FREM2: variants seen among roughly 807,000 people sequenced by gnomAD.
FREM2 encodes the protein FRAS1-related extracellular matrix protein 2.
In FREM2, 119 loss-of-function variants were observed where a neutral mutation model predicts 219.9. The ratio of observed to expected loss-of-function variants is 0.54; its 90% CI spans 0.47 to 0.63. The LOEUF (loss-of-function observed/expected upper bound fraction) is 0.63, where lower values mean the gene tolerates loss of function less well. Among genes scored for constraint, FREM2 ranks in the 30% least tolerant of loss-of-function variants. The pLI is 0.00. For missense variants in FREM2, 4,030 were observed against 3,993.6 expected (o/e 1.01, Z -0.25); for synonymous variants, 1,562 against 1,522.8 (o/e 1.03, Z -0.60).
At position 38,688,235 on chromosome 13, in the gene FREM2, T is replaced by G; in HGVS notation, c.891T>G (p.Ala297=). ...RSRGAPVGSP[A]LKREHFQVLV... is the part of the protein sequence containing the mutation. ...GAGGGGCTCCTGTGGGCAGCCCTGC[T>G]TTGAAACGCGAGCACTTCCAGGTTC... The change falls in exon 1 of 24, where the codon GCT becomes GCG. Residue 297 remains alanine, a synonymous_variant. Transcript: ENST00000280481. 6.2e-7 allele frequency: 1 copy of G among 1,613,796 alleles called. No homozygotes were observed. Among genetic ancestry groups the G allele is most frequent in the Non-Finnish European group, 8.5e-7 (1 of 1,179,940 alleles).
intron 16 of FREM2, among the ~76,000 whole-genome samples, chr13:38,866,332 T>TAA (rs796917957): frequency 4.0e-5 from 6 of 150,028 alleles, no homozygotes; most frequent in African/African-American, 1.2e-4. Context: ...CCGTCTCTAC[T>TAA]AAAAAAAAAT....
chr13:38,861,685 A>G (rs1009776897), intron 15 of FREM2, 123 bp downstream of exon 15: 1 of 1,041,212 alleles, frequency 9.6e-7, no homozygotes, highest in South Asian at 1.3e-5. Context: ...TTGAGCTTCA[A>G]GTCCTTCCAC....
At chr13:38,823,013 A>G (rs1876128181) in intron 6 of FREM2, among the ~76,000 whole-genome samples, 1 of 152,092 alleles carries the variant, frequency 6.6e-6, no homozygotes, top group African/African-American at 2.4e-5. Context: ...TAGATTCTGA[A>G]AAGCATCAAA....
intron 2 of FREM2, among the ~76,000 whole-genome samples, chr13:38,758,355 C>T (rs777643605): frequency 6.6e-6 from 1 of 152,220 alleles, no homozygotes; most frequent in Non-Finnish European, 1.5e-5. Flanking sequence ...TGTCTAAATA[C>T]CACCCTGTAC....
At chr13:38,747,156 G>A (rs1184047091) in intron 2 of FREM2, among the ~76,000 whole-genome samples, 2 of 152,140 alleles carry the variant, frequency 1.3e-5, no homozygotes, top group South Asian at 2.1e-4. Flanking sequence ...GTAAGAAACA[G>A]AAGAAATATA....
intron 16 of FREM2, among the ~76,000 whole-genome samples, chr13:38,871,116 C>T (rs747212041): frequency 1.9e-4 from 29 of 152,158 alleles, no homozygotes; most frequent in Admixed American, 1.3e-4. Context: ...AAGCACCTCT[C>T]CTGCTGGCCA....
intron 4 of FREM2, among the ~76,000 whole-genome samples, chr13:38,772,199 T>G (rs1003359772): frequency 6.6e-6 from 1 of 152,210 alleles, no homozygotes; most frequent in Non-Finnish European, 1.5e-5. Context: ...AATTTTACAT[T>G]AAAAATTTAT....
At chr13:38,711,202 A>G (rs1251708268) in intron 2 of FREM2, among the ~76,000 whole-genome samples, 1 of 152,142 alleles carries the variant, frequency 6.6e-6, no homozygotes, top group Non-Finnish European at 1.5e-5. Flanking sequence ...TAAAACTGAG[A>G]CAACCACCAG....
Position 38,804,031 on chromosome 13 carries a change from T to G in FREM2, c.6019+19223T>G, listed in dbSNP as rs538006491. The stretch of plus-strand genomic sequence containing the variant: ...ATTACGCTTGCAAGCTCCCAAAAAC[T>G]AACGGCAGAACAGTCATTATAAGAA... On this transcript the variant is annotated intron_variant, in intron 6 of 23. Coordinates refer to ENST00000280481, the MANE Select transcript of FREM2 (RefSeq NM_207361.6). Among the ~76,000 whole-genome samples the G allele has an allele frequency of 2.6e-5, 4 of 152,176 alleles. No homozygotes were observed. In the South Asian group the frequency reaches 8.3e-4, roughly 32 times the overall value.
chr13:38,702,882 C>A (rs1593353000), intron 2 of FREM2, among the ~76,000 whole-genome samples: 1 of 152,092 alleles, frequency 6.6e-6, no homozygotes, highest in Admixed American at 6.6e-5. Context: ...TGGGCCACAG[C>A]CAGACATTTT....
In FREM2 at chr13:38,687,644, G is replaced by T. The variant is rs1869535055; in HGVS notation, c.300G>T (p.Gln100His). Residue 100 changes from glutamine to histidine, a missense_variant, in exon 1 of 24, where the codon CAG (glutamine) becomes CAT (histidine). By Grantham distance (24) the Gln-to-His change is conservative. Coordinates refer to ENST00000280481, the MANE Select transcript of FREM2 (RefSeq NM_207361.6). The stretch of plus-strand genomic sequence containing the variant: ...TGCATGACCTGGTGTTGCAGGTGCA[G>T]CCCGGGGACCGCTGCGCGGTTTCGG... Reference protein sequence around the residue: ...DPLHDLVLQVQPGDRCAVSVL... With the variant: ...DPLHDLVLQVHPGDRCAVSVL... 1.9e-6 allele frequency: 3 copies of T among 1,608,016 alleles called. No homozygotes were observed. Among genetic ancestry groups the T allele is most frequent in the Admixed American group, 1.7e-5 (1 of 59,676 alleles).
chr13:38,723,257 A>G, intron 2 of FREM2, among the ~76,000 whole-genome samples: 1 of 152,146 alleles, frequency 6.6e-6, no homozygotes, highest in African/African-American at 2.4e-5. Flanking sequence ...TAAAAAATAA[A>G]AAATAAAATA....
rs1182614369 is a variant in FREM2, at chr13:38,880,671, G to A, written c.9394G>A (p.Val3132Met). 6.2e-7 allele frequency: 1 copy of A among 1,614,050 alleles called. No homozygotes were observed. Among genetic ancestry groups the A allele is most frequent in the African/African-American group, 1.3e-5 (1 of 74,912 alleles). The part of the protein sequence containing the change: ...LLTICLTVIA[V>M]LMCRGKESFR... ...CACCATCTGCCTCACTGTCATTGCA[G>A]TGCTGATGTGCAGGGGCAAGGAAAG... is the stretch of plus-strand genomic sequence containing the variant. The change falls in exon 24 of 24, where the codon GTG becomes ATG. Residue 3132 changes from valine (V) to methionine (M), a missense_variant. By Grantham distance (21) the Val-to-Met change is conservative (BLOSUM62 1). Transcript: ENST00000280481.
intron 6 of FREM2, among the ~76,000 whole-genome samples, chr13:38,789,807 T>C (rs1274358427): frequency 6.7e-6 from 1 of 150,308 alleles, no homozygotes; most frequent in African/African-American, 2.4e-5. Flanking sequence ...GTTTCTTTTT[T>C]ATATATTTAA....
chr13:38,800,276 A>G (rs1232196863), intron 6 of FREM2, among the ~76,000 whole-genome samples: 1 of 152,104 alleles, frequency 6.6e-6, no homozygotes, highest in Admixed American at 6.5e-5. Flanking sequence ...GCATTTTCTT[A>G]TCTAGGAAAT....
intron 2 of FREM2, among the ~76,000 whole-genome samples, chr13:38,699,982 C>A (rs1019291757): frequency 3.9e-5 from 6 of 152,034 alleles, no homozygotes; most frequent in African/African-American, 7.2e-5. Context: ...CCCTGGGAAG[C>A]AAGTCAGGGC....
At chr13:38,785,713 A>T (rs559448812) in intron 6 of FREM2, among the ~76,000 whole-genome samples, 1 of 152,260 alleles carries the variant, frequency 6.6e-6, no homozygotes, top group East Asian at 1.9e-4. Flanking sequence ...GTGAGGTTAT[A>T]CTCTGTGCCA....
intron 2 of FREM2, among the ~76,000 whole-genome samples, chr13:38,751,891 TGTG>T (rs763935768): frequency 6.6e-6 from 1 of 150,584 alleles, no homozygotes. Context: ...TGTGTGTGTG[TGTG>T]TGTTTTCCTT....
chr13:38,815,522 AC>A (rs1259114017), intron 6 of FREM2, among the ~76,000 whole-genome samples: 2 of 152,228 alleles, frequency 1.3e-5, no homozygotes, highest in Non-Finnish European at 2.9e-5. Flanking sequence ...TACAACTGAT[AC>A]CACAGAAATA....
Sources: gnomAD v4.1 joint callset for allele counts (sites outside exome capture counted in the v4.1 genomes callset) on GRCh38, gnomAD v4.1.1 for gene constraint, MANE v1.5 for transcripts, NCBI Gene and HGNC (gene_info 2026-07-23, HGNC 2026-07-21) for gene names.